The following ANXA10 variants were observed in gnomAD, a reference collection of about 807,000 sequenced individuals.
The protein encoded by ANXA10 is annexin 14.
Under a neutral mutation model 53.5 loss-of-function variants are expected in ANXA10, and 49 were observed. The observed-to-expected ratio is 0.92, with a 90% CI of 0.73 to 1.16. The LOEUF is 1.16. Ranked by LOEUF, ANXA10 falls within the 50% of genes most tolerant of loss-of-function variation. The pLI, the probability that ANXA10 is intolerant of heterozygous loss-of-function variation, is 0.00. For synonymous variants in ANXA10, 131 were observed against 128.9 expected (o/e 1.02, Z -0.11); for missense variants, 393 against 394.4 (o/e 1.00, Z 0.03).
At chr4:168,156,034 GTATTA>G (rs1731649096) in intron 3 of ANXA10, among the ~76,000 whole-genome samples, 1 of 16,866 alleles carries the variant, frequency 5.9e-5, no homozygotes, top group Non-Finnish European at 8.9e-5. Context: ...ATTATATATA[GTATTA>G]TATTATATAT....
intron 1 of ANXA10, among the ~76,000 whole-genome samples, chr4:168,101,501 G>C (rs1204842199): frequency 7.3e-6 from 1 of 136,144 alleles, no homozygotes; most frequent in Non-Finnish European, 1.6e-5. Context: ...GTTTTTTTTG[G>C]GGGGGAAGGG....
In ANXA10 at chr4:168,164,189, T is replaced by C; in HGVS notation, c.310-9T>C. ...ATCCTTACATTTATCTCTTTTTTCC[T>C]TTCTCTAGGGAGTAGGCACTGATGA... On this transcript the variant is annotated splice_polypyrimidine_tract_variant and intron_variant, in intron 4 of 11. Coordinates refer to ENST00000359299, the MANE Select transcript of ANXA10 (RefSeq NM_007193.5). 1 of 1,586,852 alleles carries C rather than the reference T, an allele frequency of 6.3e-7. No individual in the cohort carries two copies.
chr4:168,151,744 A>G (rs550599685), intron 3 of ANXA10, among the ~76,000 whole-genome samples: 3 of 152,342 alleles, frequency 2.0e-5, no homozygotes, highest in Non-Finnish European at 2.9e-5. Context: ...TTCGATATTT[A>G]TCTTCCCAAC....
At chr4:168,112,744 G>A (rs966818846) in intron 1 of ANXA10, among the ~76,000 whole-genome samples, 7 of 152,200 alleles carry the variant, frequency 4.6e-5, no homozygotes, top group African/African-American at 9.6e-5. Flanking sequence ...TCTCCCTGCC[G>A]GCATGGTGGC....
At chr4:168,156,122 A>G (rs1731656342) in intron 3 of ANXA10, among the ~76,000 whole-genome samples, 1 of 47,386 alleles carries the variant, frequency 2.1e-5, no homozygotes, top group South Asian at 5.7e-4. Flanking sequence ...ATTTATTTAT[A>G]TTTATATATA....
intron 1 of ANXA10, among the ~76,000 whole-genome samples, chr4:168,119,569 T>C: frequency 6.6e-6 from 1 of 152,282 alleles, no homozygotes; most frequent in South Asian, 2.1e-4. Flanking sequence ...TAGACTGAGC[T>C]TTGCAGTTCA....
intron 9 of ANXA10, among the ~76,000 whole-genome samples, chr4:168,181,211 G>C (rs1020891640): frequency 5.3e-5 from 8 of 151,934 alleles, no homozygotes; most frequent in Non-Finnish European, 7.4e-5. Context: ...CTAACACAGT[G>C]AAACCCCGTC....
intron 3 of ANXA10, among the ~76,000 whole-genome samples, chr4:168,156,206 T>TAATA (rs1553957762): frequency 7.1e-4 from 12 of 16,864 alleles, no homozygotes; most frequent in Admixed American, 3.5e-3. Context: ...ATAATATATA[T>TAATA]TATATTATAT....
chr4:168,185,269 A>G (rs765799340), intron 11 of ANXA10, among the ~76,000 whole-genome samples: 18 of 152,254 alleles, frequency 1.2e-4, no homozygotes, highest in Admixed American at 2.0e-4. Context: ...TTCATTCTCT[A>G]TAATTGTGCT....
chr4:168,182,107 T>G (rs1284427570), intron 10 of ANXA10, among the ~76,000 whole-genome samples: 1 of 152,098 alleles, frequency 6.6e-6, no homozygotes, highest in East Asian at 1.9e-4. Context: ...AATGTCAAAA[T>G]ATTACAAACT....
chr4:168,102,949 T>C (rs535129387), intron 1 of ANXA10, among the ~76,000 whole-genome samples: 1 of 152,256 alleles, frequency 6.6e-6, no homozygotes, highest in South Asian at 2.1e-4. Flanking sequence ...ATGATATTGA[T>C]CATATCTTCA....
intron 2 of ANXA10, among the ~76,000 whole-genome samples, chr4:168,130,713 A>G (rs1731143416): frequency 6.6e-6 from 1 of 151,928 alleles, no homozygotes. Context: ...AAATTGATCC[A>G]TTTCATCTAG....
At chr4:168,133,230 T>C (rs771720225) in intron 2 of ANXA10, among the ~76,000 whole-genome samples, 16 of 152,086 alleles carry the variant, frequency 1.1e-4, no homozygotes, top group Non-Finnish European at 2.2e-4. Flanking sequence ...AATATGTGTG[T>C]CACATAAACT....
chr4:168,169,265 T>C (rs1731939810), intron 6 of ANXA10, among the ~76,000 whole-genome samples: 1 of 152,226 alleles, frequency 6.6e-6, no homozygotes, highest in Non-Finnish European at 1.5e-5. Flanking sequence ...ATTTAAAAGG[T>C]AATTTTACAA....
chr4:168,111,761 ATATACT>A (rs1730810044), intron 1 of ANXA10, among the ~76,000 whole-genome samples: 1 of 152,220 alleles, frequency 6.6e-6, no homozygotes, highest in Non-Finnish European at 1.5e-5. Flanking sequence ...GCTTTGCAAA[ATATACT>A]TATCACTATT....
intron 10 of ANXA10, among the ~76,000 whole-genome samples, 162 bp downstream of exon 10, chr4:168,181,903 A>C (rs1230958318): frequency 6.6e-6 from 1 of 152,232 alleles, no homozygotes; most frequent in Non-Finnish European, 1.5e-5. Flanking sequence ...CACCAAAAAT[A>C]AGACATATCA....
At chr4:168,151,663 A>C (rs1731499817) in intron 3 of ANXA10, among the ~76,000 whole-genome samples, 1 of 152,230 alleles carries the variant, frequency 6.6e-6, no homozygotes, top group Non-Finnish European at 1.5e-5. Flanking sequence ...TGAGAATTTA[A>C]TACTCTAATT....
At chr4:168,139,216 G>C (rs906716511) in intron 2 of ANXA10, among the ~76,000 whole-genome samples, 1 of 152,064 alleles carries the variant, frequency 6.6e-6, no homozygotes, top group Non-Finnish European at 1.5e-5. Flanking sequence ...GTATGATGTT[G>C]GTTGTGAGTT....
chr4:168,097,037 G>A (rs1321791024), intron 1 of ANXA10, among the ~76,000 whole-genome samples: 2 of 150,026 alleles, frequency 1.3e-5, no homozygotes, highest in African/African-American at 2.5e-5. Flanking sequence ...GTTTCACAAG[G>A]GGAAATATAT....
Sources: gnomAD v4.1 joint callset for allele counts (sites outside exome capture counted in the v4.1 genomes callset) on GRCh38, gnomAD v4.1.1 for gene constraint, MANE v1.5 for transcripts, NCBI Gene and HGNC (gene_info 2026-07-23, HGNC 2026-07-21) for gene names.